Variants in RWDD4 observed in about 807,000 individuals in gnomAD.
RWDD4 encodes the protein RWD domain containing 4.
Under a neutral mutation model 30.0 loss-of-function variants are expected in RWDD4, and 16 were observed. The ratio of observed to expected loss-of-function variants is 0.53; its 90% confidence interval spans 0.36 to 0.81. RWDD4 has a LOEUF of 0.81. Among genes scored for constraint, RWDD4 ranks in the 30% least tolerant of loss-of-function variants. RWDD4 has a pLI of 0.00. For synonymous variants in RWDD4, 45 were observed against 72.1 expected, an observed-to-expected ratio of 0.62 and a Z score of 1.90; for missense variants, 170 against 223.9, an observed-to-expected ratio of 0.76 and a Z score of 1.54.
chr4:183,657,612 G>C (rs1437369219), intron 1 of RWDD4, among the ~76,000 whole-genome samples: 1 of 152,192 alleles, frequency 6.6e-6, no homozygotes, highest in Admixed American at 6.5e-5. Context: ...AAAGATTTCA[G>C]TTGACAGTAA....
At chr4:183,647,860 C>A (rs1733992125) in intron 5 of RWDD4, among the ~76,000 whole-genome samples, 1 of 152,110 alleles carries the variant, frequency 6.6e-6, no homozygotes, top group African/African-American at 2.4e-5. Context: ...TGGAAACAAA[C>A]ACAGAGTTGC....
chr4:183,658,345 A>G (rs891924540), intron 1 of RWDD4, among the ~76,000 whole-genome samples: 4 of 152,046 alleles, frequency 2.6e-5, no homozygotes, highest in African/African-American at 9.7e-5. Context: ...CCACCCCCCA[A>G]CTCTAATATT....
intron 2 of RWDD4, among the ~76,000 whole-genome samples, chr4:183,654,507 T>A (rs1003166464): frequency 6.6e-6 from 1 of 152,204 alleles, no homozygotes; most frequent in African/African-American, 2.4e-5. Context: ...ATCTCATGTA[T>A]CATTCTTCTT....
rs1733967722 is a variant in RWDD4 at position 183,646,483 on chromosome 4, T to C, written c.531+5A>G. ...TTTAAAGACTAGAATATAAATGTTA[T>C]ATACCTTCACAACATCAACCCAGTT... is the stretch of plus-strand genomic sequence containing the variant. On this transcript the variant is annotated splice_donor_5th_base_variant and intron_variant, in intron 6 of 7. Transcript: ENST00000326397. The C allele has an allele frequency of 7.4e-6, 12 of 1,611,696 alleles. No homozygotes were observed. The highest frequency in any genetic ancestry group is 2.7e-5 in the African/African-American group (2 of 74,908).
intron 2 of RWDD4, among the ~76,000 whole-genome samples, chr4:183,652,098 G>T (rs74532364): frequency 0.039 from 5,861 of 152,072 alleles, 109 homozygotes; most frequent in East Asian, 0.089. Context: ...TCCTCAATAT[G>T]TGAGTAAAGT....
At chr4:183,651,555 C>T (rs1734077092) in intron 2 of RWDD4, among the ~76,000 whole-genome samples, 1 of 152,132 alleles carries the variant, frequency 6.6e-6, no homozygotes, top group Non-Finnish European at 1.5e-5. Context: ...CAGTTTATGC[C>T]CATGTCCTGT....
intron 5 of RWDD4, among the ~76,000 whole-genome samples, chr4:183,649,214 G>T (rs531872166): frequency 6.6e-6 from 1 of 152,284 alleles, no homozygotes; most frequent in East Asian, 1.9e-4. Flanking sequence ...AGGAGTTCGA[G>T]ACCAGCCTGG....
chr4:183,644,536 G>C (rs1164822743), intron 7 of RWDD4, among the ~76,000 whole-genome samples: 2 of 152,218 alleles, frequency 1.3e-5, no homozygotes, highest in East Asian at 3.8e-4. Context: ...CAACACTTTG[G>C]GAGGCAGAGG....
At chr4:183,653,024 G>A (rs1734115682) in intron 2 of RWDD4, among the ~76,000 whole-genome samples, 1 of 152,076 alleles carries the variant, frequency 6.6e-6, no homozygotes, top group Non-Finnish European at 1.5e-5. Context: ...CACTGTGACT[G>A]GCTTCCCCTG....
chr4:183,658,814 G>C (rs1159527353), intron 1 of RWDD4, 115 bp downstream of exon 1: 2 of 983,808 alleles, frequency 2.0e-6, no homozygotes, highest in Non-Finnish European at 2.6e-6. Context: ...ACCCCGGCCG[G>C]CTCCGAGGGC....
intron 2 of RWDD4, among the ~76,000 whole-genome samples, chr4:183,654,091 A>C (rs1229303995): frequency 6.6e-6 from 1 of 152,168 alleles, no homozygotes; most frequent in East Asian, 1.9e-4. Context: ...AAGATCAAAC[A>C]ATGTGTGCAA....
chr4:183,655,989 T>G (rs1302679474), intron 1 of RWDD4, 28 bp from the exon 2 acceptor site: 1 of 1,447,532 alleles, frequency 6.9e-7, no homozygotes, highest in African/African-American at 1.4e-5. Context: ...ATGAGTTTTG[T>G]TTAGTGGTAT....
intron 5 of RWDD4, among the ~76,000 whole-genome samples, chr4:183,649,043 A>G (rs1337781369): frequency 6.6e-6 from 1 of 152,160 alleles, no homozygotes; most frequent in East Asian, 1.9e-4. Context: ...AAATGTTCCA[A>G]GAAGAAAGAG....
At chr4:183,643,115 TAAAAAA>T (rs57474200) in intron 7 of RWDD4, among the ~76,000 whole-genome samples, 13 of 109,408 alleles carry the variant, frequency 1.2e-4, no homozygotes. Flanking sequence ...AAATAAAAAT[TAAAAAA>T]AAAAAAAAAA....
In RWDD4 at chr4:183,649,461, T is replaced by C. The variant is rs1414084759; in HGVS notation, c.471A>G (p.Ala157=). The C allele has an allele frequency of 6.2e-7, 1 of 1,600,082 alleles. No individual in the cohort carries two copies. Among genetic ancestry groups the C allele is most frequent in the African/African-American group, 1.3e-5 (1 of 74,298 alleles). Residue 157 remains alanine (A), a synonymous_variant, in exon 5 of 8, where the codon GCA becomes GCG. Transcript: ENST00000326397. ...QLSKAQKRKL[A]DKTDHKGELP... ...GAAACACACACAAACCTGTTTTGTC[T>C]GCCAGCTTACGCTTCTGGGCTTTTG...
chr4:183,650,823 G>C (rs1405396574), intron 4 of RWDD4, among the ~76,000 whole-genome samples, 161 bp downstream of exon 4: 1 of 152,162 alleles, frequency 6.6e-6, no homozygotes, highest in Non-Finnish European at 1.5e-5. Flanking sequence ...AGGTTAAATA[G>C]AAGAAATCTG....
chr4:183,646,893 A>C (rs1733975233), intron 5 of RWDD4, among the ~76,000 whole-genome samples: 1 of 152,192 alleles, frequency 6.6e-6, no homozygotes, highest in Non-Finnish European at 1.5e-5. Flanking sequence ...TTGCTTATTT[A>C]AGTAATAAGT....
At chr4:183,644,068 G>A (rs1733919656) in intron 7 of RWDD4, among the ~76,000 whole-genome samples, 1 of 151,902 alleles carries the variant, frequency 6.6e-6, no homozygotes, top group South Asian at 2.1e-4. Context: ...GGAAGGAGGA[G>A]CACTATCAAC....
intron 7 of RWDD4, among the ~76,000 whole-genome samples, chr4:183,644,835 G>A (rs1733937506): frequency 6.6e-6 from 1 of 151,986 alleles, no homozygotes; most frequent in Admixed American, 6.6e-5. Flanking sequence ...AGTGGCTCAT[G>A]CCTGTAATCC....
Sources: allele counts gnomAD v4.1 joint callset (sites outside exome capture counted in the v4.1 genomes callset), GRCh38; gene constraint gnomAD v4.1.1; transcripts MANE v1.5; gene names NCBI Gene and HGNC (gene_info 2026-07-23, HGNC 2026-07-21).